The following PHRF1 variants were observed in gnomAD, a reference collection of about 807,000 sequenced individuals.
PHRF1 encodes the protein PHD and ring finger domains 1.
A neutral mutation model predicts 128.9 loss-of-function variants in PHRF1; 53 were observed. The ratio of observed to expected loss-of-function variants is 0.41; its 90% CI spans 0.33 to 0.52. PHRF1 has a LOEUF of 0.52. Among genes scored for constraint, PHRF1 ranks in the 20% least tolerant of loss-of-function variants. The pLI is 0.21. For synonymous variants in PHRF1, 1,178 were observed against 980.6 expected (o/e 1.20, Z -3.76); for missense variants, 2,503 against 2,284.5 (o/e 1.10, Z -1.95).
At position 589,792 on chromosome 11, in the gene PHRF1, G is replaced by A. The variant is rs115393484; in HGVS notation, c.421-1592G>A. Among the ~76,000 whole-genome samples, 871 of 141,840 alleles carry A rather than the reference G, an allele frequency of 6.1e-3. 12 individuals are homozygous for A. Among genetic ancestry groups the A allele is most frequent in the African/African-American group, 0.023 (824 of 35,446 alleles). The allele number at this position is 141,840 out of a possible 152,430, so 93.1% of individuals were successfully genotyped here. ...GAGCATGTCAGGCTCAGCCTGAGAG[G>A]GTGTCTGCAAACGGGCACAGAGCGT... On this transcript the variant is annotated intron_variant, in intron 4 of 17. Coordinates refer to ENST00000264555, the MANE Select transcript of PHRF1 (RefSeq NM_001286581.2).
Position 607,641 on chromosome 11 carries a change from G to T in PHRF1, c.2185G>T (p.Ala729Ser). ...CGGGCAGCCAGGGCGAGGCACACGG[G>T]CAGAGAGCGAGGCCAGCAGCAGGGT... ...GTGQPGRGTR[A>S]ESEASSRVPR... Residue 729 changes from alanine to serine, a missense_variant, in exon 14 of 18, where the codon GCA becomes TCA. By Grantham distance (99) the Ala-to-Ser change is moderately conservative (BLOSUM62 1). Coordinates refer to ENST00000264555, the MANE Select transcript of PHRF1 (RefSeq NM_001286581.2). The T allele has an allele frequency of 3.7e-6, 6 of 1,611,768 alleles. No individual in the cohort carries two copies. Among genetic ancestry groups the T allele is most frequent in the Non-Finnish European group, 5.1e-6 (6 of 1,179,454 alleles).
chr11:601,752 G>T, intron 10 of PHRF1, 51 bp downstream of exon 10: 1 of 1,608,534 alleles, frequency 6.2e-7, no homozygotes, highest in Non-Finnish European at 8.5e-7. Flanking sequence ...CAGCACCCTC[G>T]CGTGGTTACG....
chr11:590,788 C>T (rs1187627200), intron 4 of PHRF1, among the ~76,000 whole-genome samples: 2 of 152,192 alleles, frequency 1.3e-5, no homozygotes, highest in Non-Finnish European at 2.9e-5. Context: ...ACCGCAACCT[C>T]AGCCTCTCGG....
At chr11:611,569 C>T in intron 17 of PHRF1, 65 bp from the exon 18 acceptor site, 2 of 1,604,444 alleles carry the variant, frequency 1.2e-6, no homozygotes, top group Non-Finnish European at 1.7e-6. Context: ...CAGCTTTGGC[C>T]CTGGGCTCTG....
intron 3 of PHRF1, among the ~76,000 whole-genome samples, chr11:584,626 C>G (rs1335591599): frequency 1.3e-5 from 2 of 151,948 alleles, no homozygotes; most frequent in Non-Finnish European, 2.9e-5. Context: ...TTATGGAGAC[C>G]TGGAGCCCCT....
At chr11:610,415 A>G in intron 15 of PHRF1, 68 bp downstream of exon 15, 1 of 1,539,810 alleles carries the variant, frequency 6.5e-7, no homozygotes, top group East Asian at 2.4e-5. Flanking sequence ...CACACACCAC[A>G]CTAGGCTGGG....
At chr11:587,549 T>G in intron 4 of PHRF1, 85 bp downstream of exon 4, 1 of 1,413,456 alleles carries the variant, frequency 7.1e-7, no homozygotes, top group South Asian at 1.2e-5. Flanking sequence ...CAGCCTCTTG[T>G]GAGGTTCTAG....
chr11:591,620 G>A (rs988478150), intron 5 of PHRF1, among the ~76,000 whole-genome samples, 153 bp downstream of exon 5: 2 of 152,212 alleles, frequency 1.3e-5, no homozygotes, highest in Non-Finnish European at 2.9e-5. Flanking sequence ...GTGGCCATGA[G>A]CCCTGTCTGG....
At chr11:582,557 G>T (rs1333659674) in intron 3 of PHRF1, among the ~76,000 whole-genome samples, 3 of 151,594 alleles carry the variant, frequency 2.0e-5, no homozygotes, top group Admixed American at 6.6e-5. Flanking sequence ...ACGGAGTCTC[G>T]CTCTGTCGCC....
Position 598,361 on chromosome 11 carries a change from CT to C in PHRF1, c.895-9del, listed in dbSNP as rs1335974285. 1.2e-6 allele frequency: 2 copies of C among 1,605,810 alleles called. No individual in the cohort carries two copies. Among genetic ancestry groups the C allele is most frequent in the Non-Finnish European group, 1.7e-6 (2 of 1,179,132 alleles). ...CCAAGGGCATCTGACGGCACCACCC[CT>C]TTGCCTGTAGCACACACCAGGGCGC... On this transcript the variant is annotated splice_polypyrimidine_tract_variant and intron_variant, in intron 8 of 17. Coordinates refer to ENST00000264555, the MANE Select transcript of PHRF1 (RefSeq NM_001286581.2).
At chr11:591,118 G>A (rs1453744199) in intron 4 of PHRF1, among the ~76,000 whole-genome samples, 3 of 152,140 alleles carry the variant, frequency 2.0e-5, no homozygotes, top group Non-Finnish European at 4.4e-5. Context: ...CCGCCCCCAC[G>A]CCTGTCCTTC....
chr11:608,503 GGACGCGC>G lies in PHRF1; in HGVS notation c.3048_3054del (p.Thr1017LeufsTer180), dbSNP rs1856108714. ...AAGAGGGTGTCCAGGGAGCACGGAC[GGACGCGC>G]TCTGGGACGCGCTCTGAATCCAGGG... On this transcript the variant is annotated frameshift_variant, in exon 14 of 18. Coordinates refer to ENST00000264555, the MANE Select transcript of PHRF1 (RefSeq NM_001286581.2). LOFTEE classifies it high-confidence loss of function. The G allele has an allele frequency of 6.9e-7, 1 of 1,448,180 alleles. No homozygotes were observed. The highest frequency in any genetic ancestry group is 2.1e-5 in the African/African-American group (1 of 48,620). The allele number at this position is 1,448,180 out of a possible 1,614,324, so 89.7% of individuals were successfully genotyped here.
chr11:610,343 C>T lies in PHRF1; in HGVS notation c.4412C>T (p.Ser1471Phe). 2 of 1,562,930 alleles carry T rather than the reference C, an allele frequency of 1.3e-6. No homozygotes were observed. The highest frequency in any genetic ancestry group is 2.7e-5 in the African/African-American group (2 of 73,752). ...PEPGFPDTDP[S>F]QVYSPGLPPA... is the part of the protein sequence containing the mutation. ...CCCGGGTTCCCAGACACAGACCCCT[C>T]TCAGGTGGGTGTCTGGGCTGGAGGG... The change falls in exon 15 of 18, where the codon TCT (serine) becomes TTT (phenylalanine). Residue 1471 changes from serine to phenylalanine, a missense_variant. Transcript: ENST00000264555.
At chr11:595,728 T>A (rs1589880118) in intron 6 of PHRF1, among the ~76,000 whole-genome samples, 1 of 152,236 alleles carries the variant, frequency 6.6e-6, no homozygotes, top group Non-Finnish European at 1.5e-5. Flanking sequence ...CGCAGCCTCC[T>A]CCAAGGCTGC....
intron 10 of PHRF1, among the ~76,000 whole-genome samples, chr11:604,225 G>A (rs1349452744): frequency 1.3e-5 from 2 of 152,178 alleles, no homozygotes; most frequent in East Asian, 3.9e-4. Context: ...CCTGGGCGTC[G>A]TCCTGAGCTT....
chr11:606,484 G>C lies in PHRF1; in HGVS notation c.1497G>C (p.Glu499Asp). The stretch of plus-strand genomic sequence containing the variant: ...CGGTGCCAGAGCCAGACTTGGAGGA[G>C]GAGCCAGTGCCTGACCTGCTGGGCA... ...PAAVPEPDLEEEPVPDLLGSI... is the reference protein window; with the variant it reads ...PAAVPEPDLEDEPVPDLLGSI... The change falls in exon 13 of 18, where the codon GAG (glutamate) becomes GAC (aspartate). Residue 499 changes from glutamate to aspartate, a missense_variant. Transcript: ENST00000264555. 1 of 1,594,662 alleles carries C rather than the reference G, an allele frequency of 6.3e-7. No homozygotes were observed. Among genetic ancestry groups the C allele is most frequent in the Non-Finnish European group, 8.5e-7 (1 of 1,174,038 alleles).
At chr11:593,839 C>T (rs1199464314) in intron 6 of PHRF1, among the ~76,000 whole-genome samples, 1 of 152,190 alleles carries the variant, frequency 6.6e-6, no homozygotes, top group African/African-American at 2.4e-5. Flanking sequence ...TCGCAGACAC[C>T]TCGCCGTCCC....
intron 11 of PHRF1, 35 bp downstream of exon 11, chr11:605,335 C>T (rs775913472): frequency 7.5e-6 from 12 of 1,602,826 alleles, no homozygotes; most frequent in East Asian, 2.2e-5. Flanking sequence ...CCTGGGCACC[C>T]GCTCCTCTCC....
chr11:598,263 C>G, intron 8 of PHRF1, 110 bp from the exon 9 acceptor site: 1 of 1,390,870 alleles, frequency 7.2e-7, no homozygotes. Context: ...GGGAGGCTGT[C>G]CTGCTTCTCT....
Sources: gnomAD v4.1 joint callset for allele counts (sites outside exome capture counted in the v4.1 genomes callset) on GRCh38, gnomAD v4.1.1 for gene constraint, MANE v1.5 for transcripts, NCBI Gene and HGNC (gene_info 2026-07-23, HGNC 2026-07-21) for gene names.